The following UNC5D variants were observed in gnomAD, a reference collection of about 807,000 sequenced individuals.
The protein encoded by UNC5D is unc-5 netrin receptor D, also known as netrin receptor UNC5D.
A neutral mutation model predicts 105.4 loss-of-function variants in UNC5D; 39 were observed. The ratio of observed to expected loss-of-function variants is 0.37; its 90% CI spans 0.29 to 0.48. UNC5D has a LOEUF of 0.48. Among genes scored for constraint, UNC5D ranks in the 20% least tolerant of loss-of-function variants. The pLI, the probability that UNC5D is intolerant of heterozygous loss-of-function variation, is 0.98. For missense variants in UNC5D, 991 were observed against 1,202.4 expected, an observed-to-expected ratio of 0.82 and a Z score of 2.60; for synonymous variants, 452 against 450.4, an observed-to-expected ratio of 1.00 and a Z score of -0.04.
intron 16 of UNC5D, among the ~76,000 whole-genome samples, chr8:35,787,582 G>A (rs1802805096): frequency 6.6e-6 from 1 of 152,072 alleles, no homozygotes; most frequent in Non-Finnish European, 1.5e-5. Context: ...CAAGGAACAA[G>A]TGCCAATATT....
At chr8:35,742,542 T>C (rs1353267109) in intron 11 of UNC5D, among the ~76,000 whole-genome samples, 2 of 151,984 alleles carry the variant, frequency 1.3e-5, no homozygotes, top group Non-Finnish European at 2.9e-5. Flanking sequence ...TGGGTAAAGG[T>C]GATCAAACCT....
At chr8:35,294,621 G>A (rs1807326556) in intron 1 of UNC5D, among the ~76,000 whole-genome samples, 1 of 151,680 alleles carries the variant, frequency 6.6e-6, no homozygotes, top group Non-Finnish European at 1.5e-5. Flanking sequence ...AAATAAAAAG[G>A]TGTTTCACAA....
chr8:35,573,481 A>T (rs1182682727), intron 3 of UNC5D, among the ~76,000 whole-genome samples: 3 of 152,152 alleles, frequency 2.0e-5, no homozygotes, highest in Non-Finnish European at 4.4e-5. Context: ...AAAGAAAAAA[A>T]AGTTAGGTGA....
At chr8:35,243,137 C>T (rs528715372) in intron 1 of UNC5D, among the ~76,000 whole-genome samples, 2 of 152,086 alleles carry the variant, frequency 1.3e-5, no homozygotes, top group Non-Finnish European at 1.5e-5. Context: ...CAGATGACAC[C>T]ATCTGGGGGC....
intron 8 of UNC5D, among the ~76,000 whole-genome samples, chr8:35,719,168 ACACACACACACAC>A (rs1156504778): frequency 6.7e-6 from 1 of 149,762 alleles, no homozygotes; most frequent in African/African-American, 2.5e-5. Flanking sequence ...ACACACACAC[ACACACACACACAC>A]ACACACGACT....
chr8:35,481,372 C>T (rs1193826742), intron 1 of UNC5D, among the ~76,000 whole-genome samples: 1 of 152,062 alleles, frequency 6.6e-6, no homozygotes, highest in Non-Finnish European at 1.5e-5. Context: ...GCACTCCAGC[C>T]TGGTGGCGGA....
At position 35,504,595 on chromosome 8, in the gene UNC5D, G is replaced by A. The variant is rs138071972; in HGVS notation, c.104-44697G>A. Among the ~76,000 whole-genome samples, 911 of 152,310 alleles carry A rather than the reference G, an allele frequency of 6.0e-3. 3 individuals are homozygous for A. The highest frequency in any genetic ancestry group is 7.2e-3 in the Non-Finnish European group (489 of 68,024). Reference sequence around the variant, plus strand: ...CAGGCTTAATCACCTTATTGGAGGTGCTTAGACTCCATTCAAAGCCTCTAG... The same window carrying A: ...CAGGCTTAATCACCTTATTGGAGGTACTTAGACTCCATTCAAAGCCTCTAG... On this transcript the variant is annotated intron_variant, in intron 1 of 16. Transcript: ENST00000404895.
At chr8:35,727,656 T>A in intron 10 of UNC5D, 1 of 152,158 alleles carries the variant, frequency 6.6e-6, no homozygotes, top group East Asian at 1.9e-4. Context: ...TAGCCCTCAA[T>A]GGCAGCCGTA....
chr8:35,648,636 A>T (rs558842078), intron 4 of UNC5D, among the ~76,000 whole-genome samples: 1 of 143,264 alleles, frequency 7.0e-6, no homozygotes, highest in South Asian at 2.2e-4. Context: ...CTCACATTGC[A>T]CCACTGAACT....
At chr8:35,455,679 CAAAAA>C (rs925356142) in intron 1 of UNC5D, among the ~76,000 whole-genome samples, 1 of 144,684 alleles carries the variant, frequency 6.9e-6, no homozygotes, top group Non-Finnish European at 1.5e-5. Context: ...AAAAAAAAAA[CAAAAA>C]AAAACAAAGA....
In UNC5D at chr8:35,774,957, A is replaced by G. The variant is rs191215954; in HGVS notation, c.2657+480A>G. ...AAAAAAAAAAGACACTCTGTGTGAC[A>G]TTTCCTGCTACCCCATTCTGCCTTT... On this transcript the variant is annotated intron_variant, in intron 16 of 16. Coordinates refer to ENST00000404895, the MANE Select transcript of UNC5D (RefSeq NM_080872.4). Among the ~76,000 whole-genome samples the G allele has an allele frequency of 2.7e-5, 4 of 150,378 alleles. No homozygotes were observed. In the East Asian group the frequency reaches 5.8e-4, roughly 22 times the overall value.
chr8:35,311,400 C>T (rs1330354623), intron 1 of UNC5D, among the ~76,000 whole-genome samples: 1 of 152,096 alleles, frequency 6.6e-6, no homozygotes. Flanking sequence ...AGATGCTGGA[C>T]AGGCCTGGGT....
intron 4 of UNC5D, among the ~76,000 whole-genome samples, chr8:35,677,864 T>C (rs1323102936): frequency 2.0e-5 from 3 of 150,370 alleles, no homozygotes; most frequent in Non-Finnish European, 4.4e-5. Context: ...GCCATGAGAG[T>C]AGGTTTTTAT....
intron 8 of UNC5D, among the ~76,000 whole-genome samples, chr8:35,718,259 G>A (rs1302226281): frequency 6.6e-6 from 1 of 152,106 alleles, no homozygotes; most frequent in Non-Finnish European, 1.5e-5. Context: ...GTAAAGCTTC[G>A]TTTATGAAAC....
intron 1 of UNC5D, among the ~76,000 whole-genome samples, chr8:35,285,619 T>C (rs755303238): frequency 2.8e-4 from 42 of 152,212 alleles, no homozygotes; most frequent in Non-Finnish European, 5.0e-4. Flanking sequence ...AAAAACAATT[T>C]GTTTTTCTTA....
intron 4 of UNC5D, among the ~76,000 whole-genome samples, chr8:35,657,078 GTGTATA>G (rs1163882453): frequency 2.1e-3 from 166 of 80,494 alleles, no homozygotes; most frequent in African/African-American, 8.6e-3. Flanking sequence ...GTGTGTGTGT[GTGTATA>G]TATATATATA....
intron 1 of UNC5D, among the ~76,000 whole-genome samples, chr8:35,272,678 A>T (rs1805496638): frequency 6.6e-6 from 1 of 152,148 alleles, no homozygotes; most frequent in South Asian, 2.1e-4. Context: ...TCCTTAGTGG[A>T]CTCAGGGGTG....
chr8:35,484,246 A>G (rs1048650239), intron 1 of UNC5D, among the ~76,000 whole-genome samples: 2 of 152,142 alleles, frequency 1.3e-5, no homozygotes, highest in African/African-American at 2.4e-5. Flanking sequence ...TAACCTCTCT[A>G]TTGTATTTTT....
At chr8:35,645,614 A>G (rs1023348737) in intron 4 of UNC5D, among the ~76,000 whole-genome samples, 1 of 151,472 alleles carries the variant, frequency 6.6e-6, no homozygotes, top group Non-Finnish European at 1.5e-5. Flanking sequence ...ATCTAAGTGA[A>G]GTGTTTTTCC....
Sources: allele counts gnomAD v4.1 joint callset (sites outside exome capture counted in the v4.1 genomes callset), GRCh38; gene constraint gnomAD v4.1.1; transcripts MANE v1.5; gene names NCBI Gene and HGNC (gene_info 2026-07-23, HGNC 2026-07-21).